The following OCA2 variants were observed in gnomAD, a reference collection of about 807,000 sequenced individuals.
OCA2 encodes OCA2 melanosomal transmembrane protein.
In OCA2, 77 loss-of-function variants were observed where a neutral mutation model predicts 100.2. That is an observed-to-expected ratio of 0.77 (90% confidence interval 0.64 to 0.93). The LOEUF (loss-of-function observed/expected upper bound fraction) is 0.93, where lower values mean the gene tolerates loss of function less well. Among genes scored for constraint, OCA2 ranks in the 40% least tolerant of loss-of-function variants. OCA2 has a pLI of 0.00. For synonymous variants in OCA2, 432 were observed against 439.2 expected (o/e 0.98, Z 0.21); for missense variants, 1,062 against 1,089.1 (o/e 0.98, Z 0.35).
At chr15:27,751,300 T>C (rs975710813), downstream of OCA2, among the ~76,000 whole-genome samples, 6 of 152,174 alleles carry the variant, frequency 3.9e-5, no homozygotes, top group Admixed American at 3.3e-4. Context: ...GAATGAATGC[T>C]GAGAGAGATC....
At chr15:27,721,223 G>T in the OCA2 span, among the ~76,000 whole-genome samples, 1 of 152,078 alleles carries the variant, frequency 6.6e-6, no homozygotes, top group African/African-American at 2.4e-5. Context: ...GTAATTTGCA[G>T]CCAGGTGCGG....
intron 4 of OCA2, among the ~76,000 whole-genome samples, chr15:28,027,143 A>G (rs2042774496): frequency 6.6e-6 from 1 of 152,228 alleles, no homozygotes; most frequent in East Asian, 1.9e-4. Flanking sequence ...AACCCATTAG[A>G]TAAATAGGCC....
intron 9 of OCA2, among the ~76,000 whole-genome samples, chr15:28,012,791 CATTGT>C (rs1003322947): frequency 6.6e-6 from 1 of 152,052 alleles, no homozygotes; most frequent in Non-Finnish European, 1.5e-5. Flanking sequence ...AAATAATTGG[CATTGT>C]ATTGTATTTT....
At chr15:27,767,348 T>C (rs776674480) in intron 23 of OCA2, among the ~76,000 whole-genome samples, 6 of 152,168 alleles carry the variant, frequency 3.9e-5, no homozygotes, top group Admixed American at 2.0e-4. Flanking sequence ...CCAACAGCAG[T>C]TGGGGTGTCC....
chr15:27,785,104 A>C (rs1301010410), intron 23 of OCA2, among the ~76,000 whole-genome samples: 1 of 152,238 alleles, frequency 6.6e-6, no homozygotes, highest in Non-Finnish European at 1.5e-5. Context: ...TTACATACAG[A>C]AAAACACAGA....
intron 22 of OCA2, among the ~76,000 whole-genome samples, chr15:27,849,252 G>A (rs28515810): frequency 0.32 from 38,374 of 120,486 alleles, 7,783 homozygotes; most frequent in Middle Eastern, 0.52. Flanking sequence ...ACACAGCCAC[G>A]TGCTGCCTGA....
intron 18 of OCA2, among the ~76,000 whole-genome samples, chr15:27,948,218 T>C (rs764095208): frequency 1.3e-5 from 2 of 152,126 alleles, no homozygotes; most frequent in African/African-American, 2.4e-5. Context: ...GGATTCTCAT[T>C]GTGCCACGTG....
chr15:28,069,366 CT>C (rs2044126899), intron 2 of OCA2, among the ~76,000 whole-genome samples: 1 of 12,136 alleles, frequency 8.2e-5, no homozygotes, highest in Non-Finnish European at 1.5e-4. Flanking sequence ...CCCTCTCCCT[CT>C]CCCTCTCCCT....
chr15:28,071,170 A>AT (rs1366099398), intron 2 of OCA2, among the ~76,000 whole-genome samples: 6 of 110,838 alleles, frequency 5.4e-5, no homozygotes, highest in East Asian at 1.6e-3. Context: ...AAAAAAATAA[A>AT]TTAAAAAAAA....
chr15:27,816,115 C>T (rs959876014), intron 23 of OCA2, among the ~76,000 whole-genome samples: 1 of 152,026 alleles, frequency 6.6e-6, no homozygotes, highest in Admixed American at 6.5e-5. Flanking sequence ...GCCTGGGCAA[C>T]AAGAGCACAA....
At chr15:28,048,642 T>A (rs7163354) in intron 2 of OCA2, among the ~76,000 whole-genome samples, 67,455 of 151,954 alleles carry the variant, frequency 0.44, 21,315 homozygotes, top group East Asian at 0.89. Context: ...AGCACCAAAA[T>A]CCCAAGCAAT....
At chr15:28,014,519 G>A (rs908868604) in intron 9 of OCA2, among the ~76,000 whole-genome samples, 11 of 152,166 alleles carry the variant, frequency 7.2e-5, no homozygotes, top group South Asian at 2.1e-4. Flanking sequence ...GTAGAAAATC[G>A]TATGCACATT....
At chr15:27,926,585 C>A (rs1317001859) in intron 18 of OCA2, among the ~76,000 whole-genome samples, 1 of 152,164 alleles carries the variant, frequency 6.6e-6, no homozygotes, top group African/African-American at 2.4e-5. Context: ...TCTATAAATG[C>A]AGGTTTTCTG....
chr15:28,028,044 A>G lies in OCA2; in HGVS notation c.342T>C (p.Pro114=). 1 of 1,614,234 alleles carries G rather than the reference A, an allele frequency of 6.2e-7. No homozygotes were observed. The change falls in exon 4 of 24, where the codon CCT becomes CCC. Residue 114 remains proline, a synonymous_variant. Transcript: ENST00000354638. ...SLQEKGSRCI[P]VYHPEFITAE... ...CAGTGATGAACTCTGGATGGTAAAC[A>G]GGTATGCACCGTGACCTGGAAAGCA...
chr15:27,895,604 C>T (rs2037654080), intron 19 of OCA2: 1 of 165,586 alleles, frequency 6.0e-6, no homozygotes, highest in Admixed American at 6.2e-5. Flanking sequence ...ATTTGTGGAA[C>T]TTTGAACTTG....
chr15:28,084,163 T>C (rs1759325361), intron 1 of OCA2, among the ~76,000 whole-genome samples: 1 of 152,232 alleles, frequency 6.6e-6, no homozygotes, highest in Non-Finnish European at 1.5e-5. Flanking sequence ...GGCGAGAAGA[T>C]GCTGTCTGTG....
intron 17 of OCA2, among the ~76,000 whole-genome samples, chr15:27,953,472 C>T (rs1333484726): frequency 1.3e-5 from 2 of 152,144 alleles, no homozygotes; most frequent in African/African-American, 4.8e-5. Context: ...AGAATTAGGG[C>T]CAAAGGAGCA....
At chr15:27,784,806 A>T (rs1389534011) in intron 23 of OCA2, among the ~76,000 whole-genome samples, 1 of 152,190 alleles carries the variant, frequency 6.6e-6, no homozygotes, top group Non-Finnish European at 1.5e-5. Flanking sequence ...ACAGAAAAAA[A>T]CAACCAGCAG....
chr15:27,857,411 G>C (rs1567028950), intron 21 of OCA2, among the ~76,000 whole-genome samples: 2 of 152,118 alleles, frequency 1.3e-5, no homozygotes, highest in Non-Finnish European at 2.9e-5. Flanking sequence ...GGGGGACTAG[G>C]GAATGGGGAA....
Sources: gnomAD v4.1 joint callset for allele counts (sites outside exome capture counted in the v4.1 genomes callset) on GRCh38, gnomAD v4.1.1 for gene constraint, MANE v1.5 for transcripts, NCBI Gene and HGNC (gene_info 2026-07-23, HGNC 2026-07-21) for gene names.